Variants in FHIT observed in about 807,000 individuals in gnomAD.
FHIT encodes bis(5'-adenosyl)-triphosphatase.
FHIT carries 19 observed loss-of-function variants against 17.9 expected under a neutral mutation model. The ratio of observed to expected loss-of-function variants is 1.06; its 90% CI spans 0.74 to 1.56. The LOEUF is 1.56. Ranked by LOEUF, FHIT falls within the 40% of genes most tolerant of loss-of-function variation. FHIT has a pLI of 0.00. For missense variants in FHIT, 248 were observed against 189.2 expected (o/e 1.31, Z -1.82); for synonymous variants, 81 against 69.7 (o/e 1.16, Z -0.81).
chr3:60,181,164 T>TTTTTTA (rs1701913961), intron 5 of FHIT, among the ~76,000 whole-genome samples: 2 of 137,314 alleles, frequency 1.5e-5, no homozygotes, highest in Admixed American at 7.2e-5. Flanking sequence ...TTTTTTTTTT[T>TTTTTTA]GAGACTGAGT....
chr3:60,151,675 C>T (rs1700471192), intron 5 of FHIT, among the ~76,000 whole-genome samples: 1 of 152,190 alleles, frequency 6.6e-6, no homozygotes, highest in African/African-American at 2.4e-5. Flanking sequence ...GTTCCTTCAA[C>T]ATTCCAAGAT....
rs1456157 is a variant in FHIT at position 59,875,958 on chromosome 3, A to G, written c.348+46388T>C. 2.5e-4 allele frequency among the ~76,000 whole-genome samples: 14 copies of G among 56,970 alleles called. No homozygotes were observed. In the East Asian group the frequency reaches 3.8e-3, roughly 16 times the overall value. The allele number at this position is 56,970 out of a possible 152,430, so 37.4% of individuals were successfully genotyped here. A position where few individuals can be genotyped will look rare whatever the true frequency, so the allele number is the denominator to read the frequency against. On this transcript the variant is annotated intron_variant, in intron 8 of 9. Transcript: ENST00000492590. ...TTTGATAAAAAAAGAAAAAAAAAAG[A>G]AAAAAAAAAGATTTTAGTTCAAGAA...
intron 2 of FHIT, among the ~76,000 whole-genome samples, chr3:61,096,875 C>G (rs1428048029): frequency 6.6e-6 from 1 of 152,072 alleles, no homozygotes; most frequent in Non-Finnish European, 1.5e-5. Context: ...CTTTGGGAGG[C>G]CAAGGCAGGT....
intron 4 of FHIT, among the ~76,000 whole-genome samples, chr3:60,681,504 A>G (rs1577063628): frequency 1.3e-5 from 2 of 152,332 alleles, no homozygotes; most frequent in East Asian, 1.9e-4. Context: ...AAAATTAGAA[A>G]TGATTAAGCT....
chr3:60,771,830 T>C (rs77366932), intron 4 of FHIT, among the ~76,000 whole-genome samples: 5 of 152,106 alleles, frequency 3.3e-5, no homozygotes, highest in African/African-American at 1.2e-4. Context: ...TTATGCAAAA[T>C]TGTTCATTTT....
At chr3:60,348,262 T>A (rs1404318939) in intron 5 of FHIT, among the ~76,000 whole-genome samples, 1 of 152,200 alleles carries the variant, frequency 6.6e-6, no homozygotes, top group East Asian at 1.9e-4. Flanking sequence ...GTTTTTAGAT[T>A]AGGTTGTTAA....
intron 5 of FHIT, among the ~76,000 whole-genome samples, chr3:60,480,856 G>C (rs1281004955): frequency 2.0e-5 from 3 of 152,212 alleles, no homozygotes; most frequent in Admixed American, 1.3e-4. Flanking sequence ...CAGGTGCACA[G>C]TGCAAGCTGT....
chr3:60,259,472 A>G (rs1190564911), intron 5 of FHIT, among the ~76,000 whole-genome samples: 1 of 152,164 alleles, frequency 6.6e-6, no homozygotes, highest in East Asian at 1.9e-4. Context: ...ACAAAACATC[A>G]AAACATTCTG....
At chr3:61,057,119 T>C (rs899842082) in intron 2 of FHIT, among the ~76,000 whole-genome samples, 4 of 152,214 alleles carry the variant, frequency 2.6e-5, no homozygotes, top group African/African-American at 7.2e-5. Context: ...ACATCCCGTA[T>C]TGATGTTTCC....
chr3:61,233,576 G>A (rs1287672100), intron 1 of FHIT, among the ~76,000 whole-genome samples: 3 of 152,114 alleles, frequency 2.0e-5, no homozygotes, highest in African/African-American at 7.2e-5. Context: ...CATTTTTTGT[G>A]CATCTGTGCA....
At chr3:60,719,796 T>C (rs1400846550) in intron 4 of FHIT, among the ~76,000 whole-genome samples, 1 of 152,160 alleles carries the variant, frequency 6.6e-6, no homozygotes, top group Non-Finnish European at 1.5e-5. Context: ...CATCGTCTAC[T>C]CCTTTGAATC....
At chr3:60,295,959 G>A (rs1278427577) in intron 5 of FHIT, among the ~76,000 whole-genome samples, 1 of 151,980 alleles carries the variant, frequency 6.6e-6, no homozygotes, top group East Asian at 1.9e-4. Context: ...AAATCACGGG[G>A]GTAGTTTCCC....
intron 5 of FHIT, among the ~76,000 whole-genome samples, chr3:60,118,835 G>A (rs933368887): frequency 2.7e-5 from 4 of 147,822 alleles, no homozygotes; most frequent in Admixed American, 6.8e-5. Context: ...TGGGCAACAC[G>A]GCAAAACTCC....
At chr3:60,683,529 A>G (rs1172392217) in intron 4 of FHIT, among the ~76,000 whole-genome samples, 5 of 38,632 alleles carry the variant, frequency 1.3e-4, no homozygotes, top group Admixed American at 7.2e-4. Flanking sequence ...TTAAGATAAC[A>G]TATTTTTTTA....
chr3:60,717,492 C>T (rs1339069131), intron 4 of FHIT, among the ~76,000 whole-genome samples: 1 of 152,032 alleles, frequency 6.6e-6, no homozygotes, highest in Non-Finnish European at 1.5e-5. Flanking sequence ...ATTCCTGAAA[C>T]CCATCATGGG....
intron 5 of FHIT, among the ~76,000 whole-genome samples, chr3:60,474,054 T>A (rs548752765): frequency 1.1e-4 from 16 of 152,286 alleles, no homozygotes; most frequent in African/African-American, 3.8e-4. Flanking sequence ...GACATCTTCA[T>A]AAATTCTGAT....
rs538520435 is a variant in FHIT, at chr3:61,048,362, C to A, written c.-163-6263G>T. On this transcript the variant is annotated intron_variant, in intron 2 of 9. Coordinates refer to ENST00000492590, the MANE Select transcript of FHIT (RefSeq NM_002012.4). Reference sequence around the variant, plus strand: ...CAAAAGAAGACATTTATGCAGCCAACAGACACATGAAAAAATGCTCATCAT... The same window carrying A: ...CAAAAGAAGACATTTATGCAGCCAAAAGACACATGAAAAAATGCTCATCAT... 3.6e-3 allele frequency among the ~76,000 whole-genome samples: 550 copies of A among 152,254 alleles called. 1 individual carries two copies. Among genetic ancestry groups the A allele is most frequent in the Non-Finnish European group, 5.8e-3 (397 of 68,012 alleles).
chr3:61,131,261 A>G (rs114728547), intron 2 of FHIT, among the ~76,000 whole-genome samples: 1 of 152,216 alleles, frequency 6.6e-6, no homozygotes, highest in Admixed American at 6.5e-5. Context: ...AGCAAAACTC[A>G]TCTTTCTCCT....
At chr3:60,488,194 C>T (rs2033919880) in intron 5 of FHIT, among the ~76,000 whole-genome samples, 2 of 152,302 alleles carry the variant, frequency 1.3e-5, no homozygotes, top group South Asian at 2.1e-4. Flanking sequence ...GCTAAACAAT[C>T]ACTCGACTCC....
Sources: gnomAD v4.1 joint callset for allele counts (sites outside exome capture counted in the v4.1 genomes callset) on GRCh38, gnomAD v4.1.1 for gene constraint, MANE v1.5 for transcripts, NCBI Gene and HGNC (gene_info 2026-07-23, HGNC 2026-07-21) for gene names.